TLE2: variants seen among roughly 807,000 people sequenced by gnomAD.
TLE2 encodes transducin-like enhancer protein 2.
Under a neutral mutation model 97.2 loss-of-function variants are expected in TLE2, and 74 were observed. The observed-to-expected ratio is 0.76, with a 90% confidence interval of 0.63 to 0.92. The LOEUF is 0.92. Among genes scored for constraint, TLE2 ranks in the 40% least tolerant of loss-of-function variants. TLE2 has a pLI of 0.00. For missense variants in TLE2, 1,038 were observed against 1,008.7 expected, an observed-to-expected ratio of 1.03 and a Z score of -0.39; for synonymous variants, 499 against 432.1, an observed-to-expected ratio of 1.15 and a Z score of -1.92.
chr19:3,036,776 G>C (rs1306856574), intron 1 of TLE2, among the ~76,000 whole-genome samples: 1 of 152,224 alleles, frequency 6.6e-6, no homozygotes, highest in Non-Finnish European at 1.5e-5. Flanking sequence ...TGTTCTGCCT[G>C]GGAGCAGCCA....
In TLE2 at chr19:3,002,510, G is replaced by A. The variant is rs1472306195; in HGVS notation, c.1897-7C>T. The A allele has an allele frequency of 1.3e-6, 2 of 1,558,320 alleles. No homozygotes were observed. The highest frequency in any genetic ancestry group is 1.7e-6 in the Non-Finnish European group (2 of 1,152,320). ...AGTGGCCCAGGGAGAAAATCTGGGG[G>A]TAAAGAGGGAAGAGATGGGGTCACG... On this transcript the variant is annotated splice_polypyrimidine_tract_variant and splice_region_variant and intron_variant, in intron 17 of 19. Transcript: ENST00000262953.
At chr19:3,034,225 C>A (rs189237279), upstream of TLE2, among the ~76,000 whole-genome samples, 430 of 152,014 alleles carry the variant, frequency 2.8e-3, 3 homozygotes, top group African/African-American at 9.9e-3. Context: ...ACCCCAGCAG[C>A]CCCCACCCTG....
Position 2,997,738 on chromosome 19 carries a change from T to G in TLE2, c.*110A>C, listed in dbSNP as rs2089246044. The G allele has an allele frequency of 3.9e-6, 3 of 761,228 alleles. No homozygotes were observed. Among genetic ancestry groups the G allele is most frequent in the East Asian group, 2.7e-5 (1 of 36,860 alleles). 47.2% of individuals were successfully genotyped at this position (761,228 alleles called of 1,614,324 possible). A position where few individuals can be genotyped will look rare whatever the true frequency, so the allele number is the denominator to read the frequency against. ...GTGAAGCCGTTGGCCAGAGAGCAGA[T>G]GGGATGTACGGTTCCTAGGCAGGGC... On this transcript the variant is annotated 3_prime_UTR_variant, in exon 20 of 20. Coordinates refer to ENST00000262953, the MANE Select transcript of TLE2 (RefSeq NM_003260.5).
Position 3,015,058 on chromosome 19 carries a change from C to CAAA in TLE2, c.679-447_679-445dup, listed in dbSNP as rs34658846. Reference sequence around the variant, plus strand: ...TAAATAAATAAATAAAATTCATTGCCAAAAAAAAAAAAAAAAAGCTATTAG... The same window carrying CAAA: ...TAAATAAATAAATAAAATTCATTGCCAAAAAAAAAAAAAAAAAAAAGCTATTAG... On this transcript the variant is annotated intron_variant, in intron 9 of 19. Transcript: ENST00000262953. Among the ~76,000 whole-genome samples, 352 of 130,492 alleles carry CAAA rather than the reference C, an allele frequency of 2.7e-3. 7 individuals carry two copies. Among genetic ancestry groups the CAAA allele is most frequent in the African/African-American group, 6.3e-3 (218 of 34,334 alleles). 85.6% of individuals were successfully genotyped at this position (130,492 alleles called of 152,430 possible). A position where few individuals can be genotyped will look rare whatever the true frequency, so the allele number is the denominator to read the frequency against.
rs775082874 is a variant in TLE2, at chr19:3,025,589, C to G, written c.232-507G>C. 5 of 985,404 alleles carry G rather than the reference C, an allele frequency of 5.1e-6. No homozygotes were observed. In the South Asian group the frequency reaches 2.4e-4, roughly 46 times the overall value. 61.0% of individuals were successfully genotyped at this position (985,404 alleles called of 1,614,324 possible). On this transcript the variant is annotated intron_variant, in intron 4 of 19. Coordinates refer to ENST00000262953, the MANE Select transcript of TLE2 (RefSeq NM_003260.5). ...ATGCCTCCAGGTGGAGATCTCAGCA[C>G]GCCACACTCAAGGGAAGGATTTCAT...
intron 8 of TLE2, among the ~76,000 whole-genome samples, chr19:3,016,871 C>T (rs1045602264): frequency 6.6e-6 from 1 of 151,700 alleles, no homozygotes; most frequent in South Asian, 2.1e-4. Context: ...CTCCGCCTCC[C>T]GGGTTCACGC....
chr19:3,000,530 A>C, intron 19 of TLE2, 117 bp downstream of exon 19: 3 of 858,312 alleles, frequency 3.5e-6, no homozygotes, highest in Non-Finnish European at 5.4e-6. Context: ...GACCCTGAGG[A>C]GGGGTTAGGG....
At position 3,006,351 on chromosome 19, in the gene TLE2, C is replaced by A. The variant is rs2089477072; in HGVS notation, c.1500+69G>T. 2.6e-6 allele frequency: 4 copies of A among 1,557,746 alleles called. No homozygotes were observed. The African/African-American group carries it at 4.1e-5, about 16-fold the overall frequency. On this transcript the variant is annotated intron_variant, in intron 15 of 19. Transcript: ENST00000262953. Reference sequence around the variant, plus strand: ...CCCACCCACGGCCAGCCTGCGAACACCGCCCCATTGGAACATAAGCCCCAC... The same window carrying A: ...CCCACCCACGGCCAGCCTGCGAACAACGCCCCATTGGAACATAAGCCCCAC...
In TLE2 at chr19:3,011,051, G is replaced by C. The variant is rs547495281; in HGVS notation, c.983C>G (p.Ala328Gly). The C allele has an allele frequency of 3.3e-5, 53 of 1,606,744 alleles. No individual in the cohort carries two copies. The Admixed American group carries it at 7.6e-4, about 23-fold the overall frequency. The stretch of plus-strand genomic sequence containing the variant: ...GCTGTCCGTGGAAGGTGCTGGCTTG[G>C]CAGCAAGCTGGCAGAGGTGACTGGC... ...SSASHLCQLA[A>G]KPAPSTDSVA... Residue 328 changes from alanine to glycine, a missense_variant, in exon 12 of 20, where the codon GCC (alanine) becomes GGC (glycine). By Grantham distance (60) the Ala-to-Gly change is moderately conservative. Coordinates refer to ENST00000262953, the MANE Select transcript of TLE2 (RefSeq NM_003260.5).
chr19:3,033,002 C>T (rs1199805780), upstream of TLE2, among the ~76,000 whole-genome samples: 7 of 151,370 alleles, frequency 4.6e-5, no homozygotes, highest in Admixed American at 4.6e-4. Flanking sequence ...GGCACGATCT[C>T]GGCTCACTGC....
intron 7 of TLE2, among the ~76,000 whole-genome samples, chr19:3,018,589 G>A (rs1017777938): frequency 6.8e-6 from 1 of 146,390 alleles, no homozygotes; most frequent in Non-Finnish European, 1.5e-5. Context: ...CACCGTGCCT[G>A]GCTATCTATT....
In TLE2 at chr19:3,019,552, C is replaced by T. The variant is rs143542385; in HGVS notation, c.370-89G>A. The T allele has an allele frequency of 8.8e-4, 1,311 of 1,491,006 alleles. 5 individuals are homozygous for T. Among genetic ancestry groups the T allele is most frequent in the Middle Eastern group, 2.8e-3 (12 of 4,294 alleles). 92.4% of individuals were successfully genotyped at this position (1,491,006 alleles called of 1,614,324 possible). The stretch of plus-strand genomic sequence containing the variant: ...CAAGAGGTAGACACAGGGGATGGGA[C>T]CTAAGCACAGCATGTGCCCCTGGGG... On this transcript the variant is annotated intron_variant, in intron 6 of 19. Coordinates refer to ENST00000262953, the MANE Select transcript of TLE2 (RefSeq NM_003260.5). This position sits in a 1 kb window ranked among gnomAD's most constrained non-coding sequence, Gnocchi z 5.1.
In TLE2 at chr19:3,008,902, G is replaced by A. The variant is rs200222446; in HGVS notation, c.1217C>T (p.Ser406Phe). The A allele has an allele frequency of 2.8e-5, 45 of 1,595,614 alleles. No homozygotes were observed. The African/African-American group carries it at 5.8e-4, about 20-fold the overall frequency. ...CCCAGGGATGCTGGGTAGGGAGGAA[G>A]AGACGGATGACCCTCGGAGATGGGG... is the stretch of plus-strand genomic sequence containing the variant. ...SHPHLRGSSV[S>F]SSLPSIPGGK... The change falls in exon 14 of 20, where the codon TCT becomes TTT. Residue 406 changes from serine (S) to phenylalanine (F), a missense_variant. Physicochemically the swap from Ser to Phe is radical, Grantham distance 155. Transcript: ENST00000262953.
chr19:3,020,746 G>A (rs939772038), intron 5 of TLE2, among the ~76,000 whole-genome samples: 3 of 151,982 alleles, frequency 2.0e-5, no homozygotes. Context: ...GGTGGGTGGC[G>A]GCAGCATATT....
chr19:3,001,791 CT>C (rs562875053), intron 18 of TLE2, among the ~76,000 whole-genome samples: 6,593 of 111,336 alleles, frequency 0.059, 458 homozygotes, highest in African/African-American at 0.18. Flanking sequence ...TCTTTTCTTT[CT>C]TTTTTTTTTT....
Position 3,027,855 on chromosome 19 carries a change from C to T in TLE2, c.205G>A (p.Gly69Arg), listed in dbSNP as rs765350153. 2 of 1,611,412 alleles carry T rather than the reference C, an allele frequency of 1.2e-6. No homozygotes were observed. The highest frequency in any genetic ancestry group is 1.7e-5 in the Admixed American group (1 of 59,696). ...HYVMYYEMSY[G>R]LNIEMHKQAE... is the part of the protein sequence containing the mutation. ...TGCTTATGCATTTCAATGTTGAGCC[C>T]GTACGACATCTCATAATACTGCAAA... The change falls in exon 4 of 20, where the codon GGG becomes AGG. Residue 69 changes from glycine to arginine, a missense_variant. Coordinates refer to ENST00000262953, the MANE Select transcript of TLE2 (RefSeq NM_003260.5).
At chr19:3,041,929 C>A (rs796848830) in intron 1 of TLE2, among the ~76,000 whole-genome samples, 1 of 17,574 alleles carries the variant, frequency 5.7e-5, no homozygotes, top group Admixed American at 2.7e-4. Flanking sequence ...TTGCGGGGGG[C>A]CCCGAGTCCC....
chr19:3,029,411 C>A (rs1041083536), upstream of TLE2: 5 of 761,702 alleles, frequency 6.6e-6, no homozygotes, highest in Non-Finnish European at 8.0e-6. Flanking sequence ...GCACCCGCCC[C>A]CTTCCTTCAG....
rs1310164733 is a variant in TLE2 at position 3,019,711 on chromosome 19, G to A, written c.357C>T (p.Asn119=). 6.2e-7 allele frequency: 1 copy of A among 1,611,344 alleles called. No homozygotes were observed. Among genetic ancestry groups the A allele is most frequent in the Non-Finnish European group, 8.5e-7 (1 of 1,179,008 alleles). The change falls in exon 6 of 20, where the codon AAC becomes AAT. Residue 119 remains asparagine (N), a synonymous_variant. Transcript: ENST00000262953. This position sits in a 1 kb window ranked among gnomAD's most constrained non-coding sequence, Gnocchi z 5.1. The stretch of plus-strand genomic sequence containing the variant: ...TAGAGAGACTCACCCCGATGAGGCT[G>A]TTCAGCTCCCCCACGGTGACCTGCT... ...RAKQVTVGEL[N]SLIGQQLQPL...
Sources: allele counts gnomAD v4.1 joint callset (sites outside exome capture counted in the v4.1 genomes callset), GRCh38; gene constraint gnomAD v4.1.1; non-coding constraint Gnocchi (gnomAD v3.1); transcripts MANE v1.5; gene names NCBI Gene and HGNC (gene_info 2026-07-23, HGNC 2026-07-21).